Variants in ADAMTSL1 observed in about 807,000 individuals in gnomAD.
ADAMTSL1 encodes ADAMTS-like protein 1.
A neutral mutation model predicts 201.8 loss-of-function variants in ADAMTSL1; 126 were observed. That is an observed-to-expected ratio of 0.62 (90% confidence interval 0.54 to 0.72). ADAMTSL1 has a LOEUF of 0.72. Ranked by LOEUF, ADAMTSL1 falls within the 30% of genes least tolerant of loss-of-function variation. The pLI, the probability that ADAMTSL1 is intolerant of heterozygous loss-of-function variation, is 0.00. For missense variants in ADAMTSL1, 2,679 were observed against 2,277.8 expected (o/e 1.18, Z -3.59); for synonymous variants, 1,121 against 903.4 (o/e 1.24, Z -4.32).
intron 1 of ADAMTSL1, among the ~76,000 whole-genome samples, chr9:18,058,919 A>T (rs752284091): frequency 2.6e-5 from 4 of 152,194 alleles, no homozygotes; most frequent in Non-Finnish European, 5.9e-5. Flanking sequence ...CTACATTGAA[A>T]GCCTGCAGTA....
At chr9:18,144,969 A>T (rs1315350296) in intron 1 of ADAMTSL1, among the ~76,000 whole-genome samples, 1 of 152,170 alleles carries the variant, frequency 6.6e-6, no homozygotes, top group Non-Finnish European at 1.5e-5. Flanking sequence ...CCTCATAAAG[A>T]TGCAAATGCA....
intron 23 of ADAMTSL1, among the ~76,000 whole-genome samples, chr9:18,859,264 C>T (rs1345339619): frequency 1.3e-5 from 2 of 152,194 alleles, no homozygotes; most frequent in East Asian, 3.9e-4. Flanking sequence ...TCTTTTCCAG[C>T]TCCTCAAAGC....
intron 2 of ADAMTSL1, among the ~76,000 whole-genome samples, chr9:18,515,057 G>A (rs1465518029): frequency 1.3e-5 from 2 of 152,044 alleles, no homozygotes; most frequent in African/African-American, 4.8e-5. Context: ...CTTCTGTTAT[G>A]GAAGTAGTTC....
chr9:18,447,776 A>C (rs74387947), intron 2 of ADAMTSL1, among the ~76,000 whole-genome samples: 3,926 of 152,336 alleles, frequency 0.026, 167 homozygotes, highest in African/African-American at 0.091. Context: ...CCTCTCTGCC[A>C]AATGAGTTTG....
chr9:18,794,506 A>G (rs1822252780), intron 19 of ADAMTSL1, among the ~76,000 whole-genome samples: 1 of 152,142 alleles, frequency 6.6e-6, no homozygotes, highest in South Asian at 2.1e-4. Context: ...ATATGACTAC[A>G]CAGCGGCTGT....
intron 2 of ADAMTSL1, among the ~76,000 whole-genome samples, chr9:18,272,186 A>T (rs1363093167): frequency 6.6e-6 from 1 of 152,150 alleles, no homozygotes; most frequent in Non-Finnish European, 1.5e-5. Context: ...TGGAGGCATC[A>T]CACTACCTGA....
intron 2 of ADAMTSL1, among the ~76,000 whole-genome samples, chr9:18,438,552 C>T (rs1349148952): frequency 6.6e-6 from 1 of 152,178 alleles, no homozygotes; most frequent in Non-Finnish European, 1.5e-5. Context: ...GGCCCCATCC[C>T]CTTGCTCGGG....
chr9:18,481,529 A>G lies in ADAMTSL1; in HGVS notation c.63+7234A>G, dbSNP rs117975006. Among the ~76,000 whole-genome samples the G allele has an allele frequency of 6.3e-3, 955 of 151,934 alleles. 9 individuals are homozygous for G. Among genetic ancestry groups the G allele is most frequent in the Non-Finnish European group, 9.9e-3 (673 of 67,944 alleles). ...TTTTTTTTTTTTAATTTTTCAAAAC[A>G]CAACTCTTCTGTAGGCAACAGTTCT... On this transcript the variant is annotated intron_variant, in intron 1 of 28. Transcript: ENST00000380548.
chr9:18,684,808 G>T lies in ADAMTSL1; in HGVS notation c.1574+8G>T. ...TGTGTCAGAGGAGCCCTCGTAAGTT[G>T]TAAAAGCACAGACTGTTCTATATTT... On this transcript the variant is annotated splice_region_variant and intron_variant, in intron 13 of 28. Transcript: ENST00000380548. 1 of 1,607,060 alleles carries T rather than the reference G, an allele frequency of 6.2e-7. No individual in the cohort carries two copies. The highest frequency in any genetic ancestry group is 8.5e-7 in the Non-Finnish European group (1 of 1,176,984).
chr9:18,297,563 T>C (rs952992305), intron 2 of ADAMTSL1, among the ~76,000 whole-genome samples: 2 of 152,072 alleles, frequency 1.3e-5, no homozygotes, highest in African/African-American at 2.4e-5. Flanking sequence ...TCAAAAGGAA[T>C]ATGTGTCAAA....
intron 2 of ADAMTSL1, among the ~76,000 whole-genome samples, chr9:18,300,584 C>T (rs1054149607): frequency 6.6e-6 from 1 of 152,230 alleles, no homozygotes; most frequent in Admixed American, 6.5e-5. Context: ...ACGTTGTGCA[C>T]ATGCACTCCA....
intron 2 of ADAMTSL1, among the ~76,000 whole-genome samples, chr9:18,430,749 G>A (rs76316889): frequency 0.014 from 2,083 of 152,226 alleles, 49 homozygotes; most frequent in African/African-American, 0.046. Flanking sequence ...GAGCTAGAAC[G>A]AAAATTGTAC....
At chr9:18,089,312 G>T (rs905027667) in intron 1 of ADAMTSL1, among the ~76,000 whole-genome samples, 1 of 152,132 alleles carries the variant, frequency 6.6e-6, no homozygotes, top group African/African-American at 2.4e-5. Context: ...CATGTCCTTT[G>T]CAGGAACATG....
At chr9:18,735,130 T>TC (rs1335461579) in intron 15 of ADAMTSL1, among the ~76,000 whole-genome samples, 1 of 152,222 alleles carries the variant, frequency 6.6e-6, no homozygotes, top group Admixed American at 6.5e-5. Flanking sequence ...CAGACACCTC[T>TC]CATGGCTCAG....
intron 14 of ADAMTSL1, among the ~76,000 whole-genome samples, chr9:18,709,060 G>C (rs1358196607): frequency 1.3e-5 from 2 of 152,184 alleles, no homozygotes; most frequent in African/African-American, 4.8e-5. Context: ...ATCCAAAGCA[G>C]GGTAAAGTTA....
intron 2 of ADAMTSL1, among the ~76,000 whole-genome samples, chr9:18,177,956 A>C (rs1828251232): frequency 6.6e-6 from 1 of 152,212 alleles, no homozygotes. Flanking sequence ...TTCACTTGCC[A>C]GTGGCTTTAA....
At chr9:18,438,637 G>C (rs964719251) in intron 2 of ADAMTSL1, among the ~76,000 whole-genome samples, 5 of 152,128 alleles carry the variant, frequency 3.3e-5, no homozygotes, top group Middle Eastern at 3.2e-3. Flanking sequence ...TACCCTAGAG[G>C]GGGCTGCAGC....
intron 1 of ADAMTSL1, among the ~76,000 whole-genome samples, chr9:18,152,899 T>G (rs528457997): frequency 6.6e-6 from 1 of 152,174 alleles, no homozygotes; most frequent in South Asian, 2.1e-4. Context: ...TGCCCTTGAT[T>G]AATCCCACGG....
At chr9:18,429,946 C>A (rs551719910) in intron 2 of ADAMTSL1, among the ~76,000 whole-genome samples, 1 of 151,820 alleles carries the variant, frequency 6.6e-6, no homozygotes. Flanking sequence ...CGTGCCACGA[C>A]ACCCAGCTAG....
Sources: gnomAD v4.1 joint callset for allele counts (sites outside exome capture counted in the v4.1 genomes callset) on GRCh38, gnomAD v4.1.1 for gene constraint, MANE v1.5 for transcripts, NCBI Gene and HGNC (gene_info 2026-07-23, HGNC 2026-07-21) for gene names.